The following GPC5 variants were observed in gnomAD, a reference collection of about 807,000 sequenced individuals.
GPC5 encodes glypican 5, also known as glypican-5.
GPC5 carries 47 observed loss-of-function variants against 53.9 expected under a neutral mutation model. The ratio of observed to expected loss-of-function variants is 0.87; its 90% CI spans 0.69 to 1.11. The LOEUF (loss-of-function observed/expected upper bound fraction) is 1.11, where lower values mean the gene tolerates loss of function less well. GPC5 is among the 50% of genes most tolerant of loss of function. The pLI is 0.00. For synonymous variants in GPC5, 286 were observed against 263.3 expected, an observed-to-expected ratio of 1.09 and a Z score of -0.84; for missense variants, 748 against 713.1, an observed-to-expected ratio of 1.05 and a Z score of -0.56.
intron 7 of GPC5, among the ~76,000 whole-genome samples, chr13:92,583,905 G>T (rs1883449158): frequency 1.3e-5 from 2 of 152,092 alleles, no homozygotes; most frequent in Admixed American, 6.6e-5. Context: ...GAGTTTCCCT[G>T]CACAAGCTCT....
chr13:91,815,650 G>T (rs1450167535), intron 5 of GPC5, among the ~76,000 whole-genome samples: 2 of 152,068 alleles, frequency 1.3e-5, no homozygotes, highest in Non-Finnish European at 2.9e-5. Flanking sequence ...GACACCACCA[G>T]GCTCAGCTCT....
At chr13:92,561,127 C>T (rs1882681931) in intron 7 of GPC5, among the ~76,000 whole-genome samples, 1 of 151,908 alleles carries the variant, frequency 6.6e-6, no homozygotes, top group Non-Finnish European at 1.5e-5. Context: ...TAGTAAAATC[C>T]TTCTTCGGTG....
At chr13:92,314,987 G>A (rs1168452156) in intron 7 of GPC5, among the ~76,000 whole-genome samples, 1 of 152,058 alleles carries the variant, frequency 6.6e-6, no homozygotes, top group Non-Finnish European at 1.5e-5. Flanking sequence ...GTGTTGCCCA[G>A]GCTGGTCTCG....
At chr13:92,199,487 G>T (rs1566481297) in intron 7 of GPC5, among the ~76,000 whole-genome samples, 1 of 152,000 alleles carries the variant, frequency 6.6e-6, no homozygotes, top group Non-Finnish European at 1.5e-5. Flanking sequence ...AATAAAAAAA[G>T]ATATTTTCTT....
At chr13:92,391,018 G>T (rs927358833) in intron 7 of GPC5, among the ~76,000 whole-genome samples, 2 of 151,966 alleles carry the variant, frequency 1.3e-5, no homozygotes, top group African/African-American at 4.8e-5. Flanking sequence ...AATTATACAA[G>T]AAATTAATGT....
intron 6 of GPC5, among the ~76,000 whole-genome samples, chr13:92,032,105 A>T (rs569614829): frequency 6.9e-6 from 1 of 144,218 alleles, no homozygotes; most frequent in South Asian, 2.1e-4. Context: ...CTCAGCCATA[A>T]AAAGGAACAA....
chr13:92,580,108 T>C (rs539683841), intron 7 of GPC5, among the ~76,000 whole-genome samples: 1 of 152,314 alleles, frequency 6.6e-6, no homozygotes, highest in Admixed American at 6.5e-5. Context: ...GTGCAACCTT[T>C]GTTAAGGACA....
intron 2 of GPC5, among the ~76,000 whole-genome samples, chr13:91,513,215 G>A (rs1403446327): frequency 6.6e-6 from 1 of 152,148 alleles, no homozygotes; most frequent in Non-Finnish European, 1.5e-5. Context: ...GTAGTAATAT[G>A]GAGATTCCAT....
At chr13:92,279,174 AT>A (rs2042896242) in intron 7 of GPC5, among the ~76,000 whole-genome samples, 1 of 151,906 alleles carries the variant, frequency 6.6e-6, no homozygotes, top group Non-Finnish European at 1.5e-5. Flanking sequence ...ATTTCCATTT[AT>A]TTGGGCCTTC....
rs544709468 is a variant in GPC5 at position 91,742,566 on chromosome 13, T to C, written c.1155-13729T>C. Among the ~76,000 whole-genome samples, 8 of 152,292 alleles carry C rather than the reference T, an allele frequency of 5.3e-5. No individual in the cohort carries two copies. The South Asian group carries it at 1.7e-3, about 32-fold the overall frequency. ...CAACTATTTGGCACGAACTAGAAGT[T>C]GACATTGCAGTTGGTCTTGGATGTG... On this transcript the variant is annotated intron_variant, in intron 4 of 7. Coordinates refer to ENST00000377067, the MANE Select transcript of GPC5 (RefSeq NM_004466.6).
chr13:92,132,503 A>G (rs1176206496), intron 6 of GPC5, among the ~76,000 whole-genome samples: 2 of 152,084 alleles, frequency 1.3e-5, no homozygotes, highest in African/African-American at 4.8e-5. Context: ...AATCTCTTGC[A>G]GGTTCTGGTG....
chr13:91,805,904 GA>G (rs1156897460), intron 5 of GPC5, among the ~76,000 whole-genome samples: 3 of 151,514 alleles, frequency 2.0e-5, no homozygotes, highest in African/African-American at 7.3e-5. Context: ...AAACATTCAT[GA>G]AAATGTTGTT....
intron 5 of GPC5, among the ~76,000 whole-genome samples, chr13:91,769,840 T>C (rs2037590045): frequency 6.6e-6 from 1 of 152,040 alleles, no homozygotes; most frequent in East Asian, 1.9e-4. Flanking sequence ...TGTGGGAGTT[T>C]CTCCCACACC....
intron 2 of GPC5, among the ~76,000 whole-genome samples, chr13:91,578,032 T>G (rs1023251230): frequency 6.6e-6 from 1 of 152,230 alleles, no homozygotes; most frequent in Non-Finnish European, 1.5e-5. Flanking sequence ...CTCTCTCATC[T>G]TGGGTCACTG....
intron 7 of GPC5, among the ~76,000 whole-genome samples, chr13:92,294,330 TTTG>T (rs373670371): frequency 5.3e-5 from 8 of 152,264 alleles, no homozygotes; most frequent in African/African-American, 9.6e-5. Context: ...CCTGGAGTTT[TTTG>T]TTGTTGTTGT....
intron 7 of GPC5, among the ~76,000 whole-genome samples, chr13:92,392,690 C>T (rs1875063040): frequency 6.6e-6 from 1 of 152,046 alleles, no homozygotes; most frequent in Non-Finnish European, 1.5e-5. Context: ...TTGTAAGGTA[C>T]TTAAACAAGT....
intron 7 of GPC5, among the ~76,000 whole-genome samples, chr13:92,766,902 C>T (rs1875425838): frequency 6.6e-6 from 1 of 152,214 alleles, no homozygotes; most frequent in African/African-American, 2.4e-5. Flanking sequence ...CTCTAATTCA[C>T]TTGAGGCAGA....
chr13:92,674,576 GGAGCTTCATGAAGCTCTTCTTGAAGCAA>G (rs869186181), intron 7 of GPC5, among the ~76,000 whole-genome samples: 8 of 37,072 alleles, frequency 2.2e-4, no homozygotes, highest in Non-Finnish European at 3.3e-4. Flanking sequence ...TCTTGAAGCA[GGAGCTTCATGAAGCTCTTCTTGAAGCAA>G]GAGCTCATGG....
intron 6 of GPC5, among the ~76,000 whole-genome samples, chr13:92,113,761 G>T (rs1198410162): frequency 6.7e-6 from 1 of 150,184 alleles, no homozygotes; most frequent in Non-Finnish European, 1.5e-5. Context: ...TTTGTCCAGA[G>T]AAATAAAGGT....
Sources: gnomAD v4.1 joint callset for allele counts (sites outside exome capture counted in the v4.1 genomes callset) on GRCh38, gnomAD v4.1.1 for gene constraint, MANE v1.5 for transcripts, NCBI Gene and HGNC (gene_info 2026-07-23, HGNC 2026-07-21) for gene names.